Variants in MTFR1L observed in about 807,000 individuals in gnomAD.
MTFR1L encodes mitochondrial fission regulator 1 like.
Under a neutral mutation model 27.9 loss-of-function variants are expected in MTFR1L, and 10 were observed. The ratio of observed to expected loss-of-function variants is 0.36; its 90% CI spans 0.22 to 0.61. MTFR1L has a LOEUF of 0.61. Ranked by LOEUF, MTFR1L falls within the 20% of genes least tolerant of loss-of-function variation. MTFR1L has a pLI of 0.73. For synonymous variants in MTFR1L, 151 were observed against 139.4 expected (o/e 1.08, Z -0.58); for missense variants, 315 against 363.7 (o/e 0.87, Z 1.09).
chr1:25,831,429 C>G (rs1171160193), intron 6 of MTFR1L, among the ~76,000 whole-genome samples: 2 of 152,186 alleles, frequency 1.3e-5, no homozygotes, highest in Non-Finnish European at 2.9e-5. Flanking sequence ...AAAATCATCT[C>G]CCCTGAAGGG....
intron 2 of MTFR1L, chr1:25,823,401 C>A: frequency 1.4e-6 from 1 of 731,612 alleles, no homozygotes. Context: ...CTCTCCCCTT[C>A]CCTGACCCTC....
In MTFR1L at chr1:25,826,442, A is replaced by G. The variant is rs1247703252; in HGVS notation, c.239+31A>G. ...TGAGGCAGTAGCTGGTCTGCTAAGGAATGGAGAACTTCCCAGAAGAGGTGG... is the reference window on the plus strand; with the variant it reads ...TGAGGCAGTAGCTGGTCTGCTAAGGGATGGAGAACTTCCCAGAAGAGGTGG... On this transcript the variant is annotated intron_variant, in intron 4 of 6. Coordinates refer to ENST00000374303, the MANE Select transcript of MTFR1L (RefSeq NM_001099625.2). This position sits in a 1 kb window ranked among gnomAD's most constrained non-coding sequence, Gnocchi z 4.1. The G allele has an allele frequency of 3.1e-6, 5 of 1,610,458 alleles. No individual in the cohort carries two copies. The highest frequency in any genetic ancestry group is 4.2e-6 in the Non-Finnish European group (5 of 1,176,672).
intron 6 of MTFR1L, among the ~76,000 whole-genome samples, 183 bp downstream of exon 6, chr1:25,830,013 A>G (rs75180840): frequency 1.5e-3 from 225 of 152,264 alleles, no homozygotes; most frequent in African/African-American, 5.1e-3. Context: ...GCAACACTAC[A>G]TTTATTGGGT....
At chr1:25,820,466 G>A (rs552181210) in intron 1 of MTFR1L, 22 of 379,590 alleles carry the variant, frequency 5.8e-5, no homozygotes, top group African/African-American at 3.8e-4. Context: ...GGGTCCCCGC[G>A]GGGAGAGGGT....
At chr1:25,830,970 G>T (rs1421873749) in intron 6 of MTFR1L, among the ~76,000 whole-genome samples, 1 of 152,102 alleles carries the variant, frequency 6.6e-6, no homozygotes, top group Admixed American at 6.6e-5. Flanking sequence ...TCTCTGAGCT[G>T]TCTTCTTCTG....
In MTFR1L at chr1:25,831,997, G is replaced by A; in HGVS notation, c.850G>A (p.Glu284Lys). Residue 284 changes from glutamate (E) to lysine (K), a missense_variant, in exon 7 of 7, where the codon GAA becomes AAA. Physicochemically the swap from Glu to Lys is moderately conservative, Grantham distance 56 (BLOSUM62 1). Coordinates refer to ENST00000374303, the MANE Select transcript of MTFR1L (RefSeq NM_001099625.2). ...CCTAAGGAGGAAGTTTGCTCTAAAG[G>A]AAGAAGATATCAGTAGAAAAGGAAA... ...EVLRRKFALKEEDISRKGN is the reference protein window; with the variant it reads ...EVLRRKFALKKEDISRKGN The A allele has an allele frequency of 6.2e-7, 1 of 1,614,174 alleles. No individual in the cohort carries two copies. The highest frequency in any genetic ancestry group is 1.1e-5 in the South Asian group (1 of 91,072).
intron 6 of MTFR1L, among the ~76,000 whole-genome samples, chr1:25,831,579 C>G (rs2048240970): frequency 6.6e-6 from 1 of 152,214 alleles, no homozygotes; most frequent in Non-Finnish European, 1.5e-5. Flanking sequence ...AAGGCAGAAG[C>G]TTAGCCACCA....
At position 25,829,549 on chromosome 1, in the gene MTFR1L, T is replaced by G. The variant is rs766170200; in HGVS notation, c.492T>G (p.Ser164Arg). ...SLTPDFLSPG[S>R]SNVSSPLPCF... ...CGCCAGATTTCTTATCTCCAGGAAG[T>G]TCAAATGTCTCTTCTCCCTTACCTT... Residue 164 changes from serine to arginine, a missense_variant, in exon 6 of 7, where the codon AGT (serine) becomes AGG (arginine). Physicochemically the swap from Ser to Arg is moderately radical, Grantham distance 110 (BLOSUM62 -1). Coordinates refer to ENST00000374303, the MANE Select transcript of MTFR1L (RefSeq NM_001099625.2). The G allele has an allele frequency of 6.2e-7, 1 of 1,614,130 alleles. No individual in the cohort carries two copies. Among genetic ancestry groups the G allele is most frequent in the Non-Finnish European group, 8.5e-7 (1 of 1,180,004 alleles).
chr1:25,826,872 T>TC lies in MTFR1L; in HGVS notation c.451+50dup. 6.3e-7 allele frequency: 1 copy of TC among 1,595,606 alleles called. No homozygotes were observed. Among genetic ancestry groups the TC allele is most frequent in the Non-Finnish European group, 8.6e-7 (1 of 1,168,906 alleles). On this transcript the variant is annotated intron_variant, in intron 5 of 6. Coordinates refer to ENST00000374303, the MANE Select transcript of MTFR1L (RefSeq NM_001099625.2). This position sits in a 1 kb window ranked among gnomAD's most constrained non-coding sequence, Gnocchi z 4.1. ...GCCAGAACGTAACAGGCTGTTCCTTTCCCCTGGCTCTTGGGCAGGATAGGG... is the reference window on the plus strand; with the variant it reads ...GCCAGAACGTAACAGGCTGTTCCTTTCCCCCTGGCTCTTGGGCAGGATAGGG...
At chr1:25,823,287 G>C (rs1466168901) in intron 2 of MTFR1L, 159 bp downstream of exon 2, 3 of 798,082 alleles carry the variant, frequency 3.8e-6, no homozygotes, top group Non-Finnish European at 4.4e-6. Context: ...CCCCTAAGAA[G>C]AACCAACTAT....
chr1:25,820,002 TGA>T lies in MTFR1L; in HGVS notation c.-108_-107del, dbSNP rs369241776. ...CAAGGTGGAAGGAGGGGCCGTGAGG[TGA>T]GAGAGTCCGGGAGCCCGAGCTTGAG... On this transcript the variant is annotated 5_prime_UTR_variant, in exon 1 of 7. Transcript: ENST00000374303. The T allele has an allele frequency of 3.2e-4, 111 of 345,668 alleles. 1 individual carries two copies. Among genetic ancestry groups the T allele is most frequent in the African/African-American group, 2.1e-3 (94 of 44,424 alleles). The allele number at this position is 345,668 out of a possible 1,614,324, so 21.4% of individuals were successfully genotyped here. A position where few individuals can be genotyped will look rare whatever the true frequency, so the allele number is the denominator to read the frequency against.
chr1:25,831,891 T>G, intron 6 of MTFR1L, 30 bp from the exon 7 acceptor site: 2 of 1,558,158 alleles, frequency 1.3e-6, no homozygotes, highest in Non-Finnish European at 1.8e-6. Context: ...CAGGAAAGAG[T>G]AAGTACTCAA....
chr1:25,830,072 C>T (rs2048217863), intron 6 of MTFR1L, among the ~76,000 whole-genome samples: 1 of 152,180 alleles, frequency 6.6e-6, no homozygotes. Context: ...TACAAGAAGG[C>T]TCATCTAATC....
chr1:25,820,912 G>A (rs779532323), intron 1 of MTFR1L: 3 of 335,466 alleles, frequency 8.9e-6, no homozygotes, highest in Non-Finnish European at 1.7e-5. Flanking sequence ...CCCTGTCGCA[G>A]GGAAGGAAGG....
At position 25,831,963 on chromosome 1, in the gene MTFR1L, C is replaced by T. The variant is rs1467389884; in HGVS notation, c.816C>T (p.Ile272=). 1.9e-6 allele frequency: 3 copies of T among 1,614,094 alleles called. No individual in the cohort carries two copies. The African/African-American group carries it at 4.0e-5, about 22-fold the overall frequency. Residue 272 remains isoleucine, a synonymous_variant, in exon 7 of 7, where the codon ATC becomes ATT. Coordinates refer to ENST00000374303, the MANE Select transcript of MTFR1L (RefSeq NM_001099625.2). The part of the protein sequence containing the change: ...LLKEEDPAVL[I]SEVLRRKFAL... ...AGGAGGAAGACCCTGCTGTGCTTAT[C>T]TCTGAGGTCCTAAGGAGGAAGTTTG...
Position 25,826,021 on chromosome 1 carries a change from G to A in MTFR1L, c.130-281G>A. On this transcript the variant is annotated intron_variant, in intron 3 of 6. Transcript: ENST00000374303. The surrounding 1 kb of genome is among the most constrained non-coding windows in gnomAD (Gnocchi z 4.1). ...GATAATTTTTGTATTTTTTGGTAGA[G>A]GCAGGGTTTTGCCATGTTGCCCAGG... 1 of 353,370 alleles carries A rather than the reference G, an allele frequency of 2.8e-6. No individual in the cohort carries two copies. Among genetic ancestry groups the A allele is most frequent in the Non-Finnish European group, 5.3e-6 (1 of 188,616 alleles). The allele number at this position is 353,370 out of a possible 1,614,324, so 21.9% of individuals were successfully genotyped here. A position where few individuals can be genotyped will look rare whatever the true frequency, so the allele number is the denominator to read the frequency against.
chr1:25,827,714 T>G (rs1367649807), intron 5 of MTFR1L, among the ~76,000 whole-genome samples: 1 of 151,768 alleles, frequency 6.6e-6, no homozygotes, highest in African/African-American at 2.4e-5. Flanking sequence ...GTGCTAAGAT[T>G]ATAGGCATGA....
At chr1:25,823,389 T>C in intron 2 of MTFR1L, 1 of 722,950 alleles carries the variant, frequency 1.4e-6, no homozygotes, top group Non-Finnish European at 2.5e-6. Context: ...CTCAGCTACT[T>C]CCTCTCCCCT....
chr1:25,826,737 C>T lies in MTFR1L; in HGVS notation c.362C>T (p.Ala121Val). The stretch of plus-strand genomic sequence containing the variant: ...AGGCTTCTGGCCCTGAAGAAGCCAG[C>T]TCTGCCAGCCCTAAGCCGCACTACT... ...EERLLALKKP[A>V]LPALSRTTEL... Residue 121 changes from alanine to valine, a missense_variant, in exon 5 of 7, where the codon GCT becomes GTT. By Grantham distance (64) the Ala-to-Val change is moderately conservative. Transcript: ENST00000374303. This position sits in a 1 kb window ranked among gnomAD's most constrained non-coding sequence, Gnocchi z 4.1. The T allele has an allele frequency of 1.2e-6, 2 of 1,614,178 alleles. No homozygotes were observed. The highest frequency in any genetic ancestry group is 1.7e-6 in the Non-Finnish European group (2 of 1,180,040).
Sources: gnomAD v4.1 joint callset for allele counts (sites outside exome capture counted in the v4.1 genomes callset) on GRCh38, gnomAD v4.1.1 for gene constraint, Gnocchi (gnomAD v3.1) non-coding constraint, MANE v1.5 for transcripts, NCBI Gene and HGNC (gene_info 2026-07-23, HGNC 2026-07-21) for gene names.